The following MPP7 variants were observed in gnomAD, a reference collection of about 807,000 sequenced individuals.
MPP7 encodes the protein MAGUK p55 subfamily member 7.
MPP7 carries 60 observed loss-of-function variants against 76.5 expected under a neutral mutation model. That is an observed-to-expected ratio of 0.78 (90% CI 0.64 to 0.97). The LOEUF (loss-of-function observed/expected upper bound fraction) is 0.97, where lower values mean the gene tolerates loss of function less well. Among genes scored for constraint, MPP7 ranks in the 50% least tolerant of loss-of-function variants. The probability of loss-of-function intolerance (pLI) is 0.00; values close to 1 mark genes in which losing one functional copy is unlikely to be tolerated. For synonymous variants in MPP7, 237 were observed against 244.5 expected (o/e 0.97, Z 0.29); for missense variants, 641 against 694.0 (o/e 0.92, Z 0.86).
At chr10:28,160,935 A>G (rs939078083) in intron 3 of MPP7, among the ~76,000 whole-genome samples, 5 of 152,176 alleles carry the variant, frequency 3.3e-5, no homozygotes, top group African/African-American at 1.2e-4. Flanking sequence ...AGGTTTTAGC[A>G]TTTCATGAAA....
At chr10:28,059,794 G>A in intron 13 of MPP7, 51 bp from the exon 14 acceptor site, 1 of 1,201,358 alleles carries the variant, frequency 8.3e-7, no homozygotes, top group African/African-American at 1.5e-5. Context: ...GCCACCTTAA[G>A]GAAAATACTA....
At chr10:28,165,503 G>T (rs1836418183) in intron 3 of MPP7, among the ~76,000 whole-genome samples, 1 of 149,826 alleles carries the variant, frequency 6.7e-6, no homozygotes, top group South Asian at 2.1e-4. Flanking sequence ...TCCGACCTGG[G>T]CTATAGAGTG....
intron 11 of MPP7, among the ~76,000 whole-genome samples, chr10:28,090,927 G>T (rs1853266552): frequency 6.6e-6 from 1 of 152,138 alleles, no homozygotes; most frequent in South Asian, 2.1e-4. Flanking sequence ...AGGGCAGATC[G>T]CTTGAGCCCA....
At chr10:28,306,631 G>T (rs907684056), upstream of MPP7, among the ~76,000 whole-genome samples, 125 of 150,128 alleles carry the variant, frequency 8.3e-4, no homozygotes, top group Non-Finnish European at 4.4e-5. Flanking sequence ...CTGGGCAACA[G>T]AGTAAGACCC....
At chr10:28,220,978 C>T (rs550219615) in intron 2 of MPP7, among the ~76,000 whole-genome samples, 8 of 152,184 alleles carry the variant, frequency 5.3e-5, no homozygotes, top group Non-Finnish European at 1.0e-4. Context: ...TAGCAGAGTT[C>T]AAGGGATAAA....
At chr10:28,277,338 A>G (rs1840532652) in intron 1 of MPP7, among the ~76,000 whole-genome samples, 1 of 151,616 alleles carries the variant, frequency 6.6e-6, no homozygotes, top group Non-Finnish European at 1.5e-5. Flanking sequence ...CATAAAGTAC[A>G]CTAATACTAA....
intron 1 of MPP7, among the ~76,000 whole-genome samples, chr10:28,290,951 GA>G (rs1314695729): frequency 6.6e-6 from 1 of 152,174 alleles, no homozygotes; most frequent in Non-Finnish European, 1.5e-5. Context: ...AGTTGTACAT[GA>G]AAATTAACTT....
intron 1 of MPP7, among the ~76,000 whole-genome samples, chr10:28,267,473 T>C (rs1840183600): frequency 6.6e-6 from 1 of 152,134 alleles, no homozygotes; most frequent in African/African-American, 2.4e-5. Flanking sequence ...TACCACAGGT[T>C]GAGCATCTCT....
At chr10:28,269,701 A>T (rs921551618) in intron 1 of MPP7, among the ~76,000 whole-genome samples, 4 of 151,542 alleles carry the variant, frequency 2.6e-5, no homozygotes, top group Admixed American at 6.6e-5. Context: ...TAATTTTTTT[A>T]AATTTTTTTA....
intron 2 of MPP7, among the ~76,000 whole-genome samples, chr10:28,327,850 A>G (rs1414269677): frequency 1.5e-5 from 2 of 137,320 alleles, no homozygotes; most frequent in Non-Finnish European, 3.0e-5. Flanking sequence ...GAAGAATTCC[A>G]TGGACCAGAA....
At chr10:28,266,012 G>C (rs1007709114) in intron 1 of MPP7, among the ~76,000 whole-genome samples, 1 of 152,062 alleles carries the variant, frequency 6.6e-6, no homozygotes, top group East Asian at 1.9e-4. Flanking sequence ...CTGTCACCCA[G>C]GCTGGAGTAC....
In MPP7 at chr10:28,243,414, G is replaced by A. The variant is rs927629727; in HGVS notation, c.-131-4679C>T. 5.6e-5 allele frequency among the ~76,000 whole-genome samples: 8 copies of A among 142,700 alleles called. No individual in the cohort carries two copies. The East Asian group carries it at 1.4e-3, about 25-fold the overall frequency. 93.6% of individuals were successfully genotyped at this position (142,700 alleles called of 152,430 possible). A position where few individuals can be genotyped will look rare whatever the true frequency, so the allele number is the denominator to read the frequency against. ...AACAAATGTGATTTTTTTTTTTTTT[G>A]GCATTTTGTATCAACATTGGGAAGA... On this transcript the variant is annotated intron_variant, in intron 1 of 16. Coordinates refer to ENST00000683449, the MANE Select transcript of MPP7 (RefSeq NM_001318170.2).
At chr10:28,307,373 C>G (rs1295171904), upstream of MPP7, among the ~76,000 whole-genome samples, 1 of 152,170 alleles carries the variant, frequency 6.6e-6, no homozygotes, top group African/African-American at 2.4e-5. Context: ...GTTTCCCTAT[C>G]TGAAGTGTAC....
At chr10:28,054,930 C>T (rs886780778) in intron 16 of MPP7, among the ~76,000 whole-genome samples, 4 of 152,154 alleles carry the variant, frequency 2.6e-5, no homozygotes, top group South Asian at 2.1e-4. Context: ...CCACCTGCCT[C>T]GGCCTCCCAA....
chr10:28,229,900 A>C (rs1046093581), intron 2 of MPP7, among the ~76,000 whole-genome samples: 5 of 151,726 alleles, frequency 3.3e-5, no homozygotes, highest in Non-Finnish European at 5.9e-5. Flanking sequence ...AAAAAAAAAA[A>C]CAAAAACAAA....
At chr10:28,310,111 C>T (rs1841281719) in intron 2 of MPP7, among the ~76,000 whole-genome samples, 1 of 150,558 alleles carries the variant, frequency 6.6e-6, no homozygotes, top group African/African-American at 2.5e-5. Context: ...AAGCAATTCT[C>T]CTACCTCAGC....
intron 1 of MPP7, among the ~76,000 whole-genome samples, chr10:28,261,714 G>C (rs1392616075): frequency 2.0e-5 from 3 of 152,116 alleles, no homozygotes; most frequent in Non-Finnish European, 2.9e-5. Flanking sequence ...TCTCTATCCT[G>C]AGAGAGAGAC....
At chr10:28,253,924 A>T (rs1382998985) in intron 1 of MPP7, among the ~76,000 whole-genome samples, 1 of 143,200 alleles carries the variant, frequency 7.0e-6, no homozygotes, top group Admixed American at 7.3e-5. Context: ...TGAACCTGGG[A>T]GACACAGGTT....
chr10:28,331,180 G>C (rs980068503), intron 1 of MPP7, among the ~76,000 whole-genome samples: 4 of 152,104 alleles, frequency 2.6e-5, no homozygotes, highest in Non-Finnish European at 4.4e-5. Context: ...AATGAAAAAA[G>C]GGAAATGTCT....
Sources: allele counts gnomAD v4.1 joint callset (sites outside exome capture counted in the v4.1 genomes callset), GRCh38; gene constraint gnomAD v4.1.1; transcripts MANE v1.5; gene names NCBI Gene and HGNC (gene_info 2026-07-23, HGNC 2026-07-21).